Variants in SLC60A1 observed in about 807,000 individuals in gnomAD.
The protein encoded by SLC60A1 is major facilitator superfamily domain containing 4.
chr1:205,596,781 T>A, the SLC60A1 span, among the ~76,000 whole-genome samples: 151 of 152,128 alleles, frequency 9.9e-4, 3 homozygotes, highest in African/African-American at 3.4e-3. Context: ...GCTGAGGGGC[T>A]TGCGCAGAGA....
chr1:205,595,780 C>T, the SLC60A1 span, among the ~76,000 whole-genome samples: 1 of 152,330 alleles, frequency 6.6e-6, no homozygotes, highest in African/African-American at 2.4e-5. Context: ...CACAGGCACT[C>T]AGTGTCTTGT....
At chr1:205,580,967 C>G in the SLC60A1 span, 9 of 1,590,504 alleles carry the variant, frequency 5.7e-6, no homozygotes, top group Non-Finnish European at 7.7e-6. This position sits in a 1 kb window ranked among gnomAD's most constrained non-coding sequence, Gnocchi z 5.0. Context: ...GTGGACAGTC[C>G]ACACATCCCA....
the SLC60A1 span, among the ~76,000 whole-genome samples, chr1:205,589,258 G>T: frequency 1.3e-5 from 2 of 152,298 alleles, 1 homozygote; most frequent in South Asian, 4.2e-4. Context: ...CAGGAGGTGA[G>T]CAGGCCTGGC....
the SLC60A1 span, among the ~76,000 whole-genome samples, chr1:205,586,699 C>T: frequency 6.4e-3 from 911 of 142,326 alleles, 5 homozygotes; most frequent in Admixed American, 0.013. Flanking sequence ...CTAGGTGACT[C>T]TTTTTTTTTT....
chr1:205,597,371 TTG>T, the SLC60A1 span, among the ~76,000 whole-genome samples: 6 of 57,756 alleles, frequency 1.0e-4, no homozygotes, highest in Middle Eastern at 7.6e-3. Flanking sequence ...GCAACCTAGG[TTG>T]TTTTTTTTTT....
At chr1:205,583,389 A>C in the SLC60A1 span, among the ~76,000 whole-genome samples, 1 of 152,198 alleles carries the variant, frequency 6.6e-6, no homozygotes, top group African/African-American at 2.4e-5. Flanking sequence ...TCACCAAGGC[A>C]TCTCCTTAGG....
At chr1:205,592,211 G>A in the SLC60A1 span, 1 of 1,614,118 alleles carries the variant, frequency 6.2e-7, no homozygotes, top group South Asian at 1.1e-5. Context: ...TCGTGGGGAC[G>A]GCAAGCCTGG....
chr1:205,592,387 TTTA>T, the SLC60A1 span: 42 of 1,214,422 alleles, frequency 3.5e-5, no homozygotes, highest in East Asian at 2.7e-4. Context: ...TTTTTTTAAT[TTTA>T]TTATTATTAT....
chr1:205,597,751 T>C, the SLC60A1 span: 6 of 1,612,840 alleles, frequency 3.7e-6, no homozygotes, highest in African/African-American at 6.7e-5. Context: ...AACTTGCTTT[T>C]ACCAAACCAA....
chr1:205,592,157 G>A, the SLC60A1 span: 2 of 1,614,126 alleles, frequency 1.2e-6, no homozygotes, highest in African/African-American at 1.3e-5. Flanking sequence ...TGGTGGTGAC[G>A]TTCCTGGTGC....
At chr1:205,590,574 G>A in the SLC60A1 span, among the ~76,000 whole-genome samples, 1 of 152,128 alleles carries the variant, frequency 6.6e-6, no homozygotes, top group African/African-American at 2.4e-5. Flanking sequence ...CTAGAGGAGC[G>A]TAAAGGCCTC....
At chr1:205,596,309 C>T in the SLC60A1 span, among the ~76,000 whole-genome samples, 3 of 151,988 alleles carry the variant, frequency 2.0e-5, no homozygotes, top group African/African-American at 7.2e-5. Flanking sequence ...AGAGTGATAT[C>T]ACAGCACAGA....
At chr1:205,591,308 C>G in the SLC60A1 span, among the ~76,000 whole-genome samples, 4 of 151,834 alleles carry the variant, frequency 2.6e-5, no homozygotes, top group Non-Finnish European at 5.9e-5. Context: ...CATGGCGAAC[C>G]CTTTCTCGAC....
chr1:205,577,332 C>T, the SLC60A1 span, among the ~76,000 whole-genome samples: 2 of 152,198 alleles, frequency 1.3e-5, no homozygotes, highest in African/African-American at 2.4e-5. The surrounding 1 kb of genome is among the most constrained non-coding windows in gnomAD (Gnocchi z 5.2). Flanking sequence ...GCAAGACAAG[C>T]GTTCCCCAAG....
At chr1:205,583,324 A>G in the SLC60A1 span, among the ~76,000 whole-genome samples, 2 of 152,154 alleles carry the variant, frequency 1.3e-5, no homozygotes, top group African/African-American at 2.4e-5. Context: ...AAAGGAGATC[A>G]TGTTTTTGTT....
At chr1:205,570,743 T>G in the SLC60A1 span, among the ~76,000 whole-genome samples, 1 of 152,248 alleles carries the variant, frequency 6.6e-6, no homozygotes, top group Non-Finnish European at 1.5e-5. Flanking sequence ...AGATTCATTC[T>G]GCCTAGAGGT....
the SLC60A1 span, chr1:205,585,078 A>C: frequency 8.6e-7 from 1 of 1,165,844 alleles, no homozygotes; most frequent in Non-Finnish European, 1.3e-6. This position sits in a 1 kb window ranked among gnomAD's most constrained non-coding sequence, Gnocchi z 4.2. Flanking sequence ...AGAGAGGAGC[A>C]TGAAGGTTTC....
the SLC60A1 span, chr1:205,592,339 C>T: frequency 1.3e-6 from 2 of 1,543,010 alleles, no homozygotes; most frequent in Admixed American, 1.9e-5. Flanking sequence ...TGGGCGCCGC[C>T]GCCTCGCTCT....
the SLC60A1 span, among the ~76,000 whole-genome samples, chr1:205,570,848 A>G: frequency 6.6e-6 from 1 of 152,244 alleles, no homozygotes; most frequent in Non-Finnish European, 1.5e-5. Flanking sequence ...TGGAACTTTT[A>G]AAGAAAATAT....
Sources: allele counts gnomAD v4.1 joint callset (sites outside exome capture counted in the v4.1 genomes callset), GRCh38; gene constraint gnomAD v4.1.1; non-coding constraint Gnocchi (gnomAD v3.1); transcripts MANE v1.5; gene names NCBI Gene and HGNC (gene_info 2026-07-23, HGNC 2026-07-21).